The following MTCL2 variants were observed in gnomAD, a reference collection of about 807,000 sequenced individuals.
MTCL2 encodes the protein microtubule cross-linking factor 2.
At chr20:36,819,356 C>T in the MTCL2 span, among the ~76,000 whole-genome samples, 6 of 152,038 alleles carry the variant, frequency 3.9e-5, no homozygotes, top group Admixed American at 6.6e-5. Context: ...TTGCTCCATC[C>T]CCCACCTCTC....
At chr20:36,818,390 T>C in the MTCL2 span, among the ~76,000 whole-genome samples, 1 of 152,186 alleles carries the variant, frequency 6.6e-6, no homozygotes, top group Non-Finnish European at 1.5e-5. Context: ...CTGGCCAACA[T>C]AGCAAGACCC....
At chr20:36,862,562 G>T in the MTCL2 span, 1 of 1,227,904 alleles carries the variant, frequency 8.1e-7, no homozygotes, top group Non-Finnish European at 1.1e-6. Flanking sequence ...TCTCCGGATT[G>T]TTCAGTGGGA....
At chr20:36,819,642 G>A in the MTCL2 span, among the ~76,000 whole-genome samples, 2 of 151,886 alleles carry the variant, frequency 1.3e-5, no homozygotes, top group Non-Finnish European at 2.9e-5. Flanking sequence ...AAATACTGGT[G>A]GTCTGAGGTA....
the MTCL2 span, among the ~76,000 whole-genome samples, chr20:36,835,139 A>G: frequency 6.6e-6 from 1 of 152,218 alleles, no homozygotes; most frequent in South Asian, 2.1e-4. Flanking sequence ...ATTTTCCATG[A>G]GGAAACAAGC....
chr20:36,795,916 C>T, the MTCL2 span, among the ~76,000 whole-genome samples: 2 of 152,222 alleles, frequency 1.3e-5, no homozygotes, highest in Admixed American at 1.3e-4. Flanking sequence ...CCCCAGCCTC[C>T]TTGTGGTGGG....
the MTCL2 span, among the ~76,000 whole-genome samples, chr20:36,849,060 C>CTTGTTTTTTTTTTTTTT: frequency 1.6e-5 from 1 of 62,238 alleles, no homozygotes; most frequent in African/African-American, 6.7e-5. Context: ...AGTTGGTTTC[C>CTTGTTTTTTTTTTTTTT]TTTTTTTTTT....
At chr20:36,838,477 C>T in the MTCL2 span, among the ~76,000 whole-genome samples, 1 of 152,014 alleles carries the variant, frequency 6.6e-6, no homozygotes, top group Non-Finnish European at 1.5e-5. Flanking sequence ...TGCCTGTAGT[C>T]CCAGCTACTC....
At chr20:36,796,863 G>A in the MTCL2 span, 1 of 1,613,564 alleles carries the variant, frequency 6.2e-7, no homozygotes, top group Non-Finnish European at 8.5e-7. Flanking sequence ...GGCAGAGCAG[G>A]GGACCAGCAT....
At chr20:36,841,880 T>G in the MTCL2 span, among the ~76,000 whole-genome samples, 63 of 126,836 alleles carry the variant, frequency 5.0e-4, 1 homozygote, top group Admixed American at 6.9e-4. Context: ...GTGGGGTGTG[T>G]GTGTGTGTGT....
At chr20:36,831,160 G>A in the MTCL2 span, among the ~76,000 whole-genome samples, 1 of 152,232 alleles carries the variant, frequency 6.6e-6, no homozygotes, top group African/African-American at 2.4e-5. Flanking sequence ...TTCTGGGCTG[G>A]GAAATTGCAA....
the MTCL2 span, chr20:36,794,805 G>C: frequency 3.1e-6 from 2 of 639,040 alleles, no homozygotes; most frequent in East Asian, 5.6e-5. This position sits in a 1 kb window ranked among gnomAD's most constrained non-coding sequence, Gnocchi z 5.4. Context: ...GTCTTGATAT[G>C]TCACCCAGGC....
the MTCL2 span, chr20:36,784,740 C>T: frequency 1.4e-4 from 141 of 985,236 alleles, no homozygotes; most frequent in Non-Finnish European, 1.7e-4. Context: ...TGAGGAAGGG[C>T]GGGCAGCAGA....
chr20:36,849,060 C>CTTTTGTTTTTTTTTTTTTTTTTT, the MTCL2 span, among the ~76,000 whole-genome samples: 1 of 62,238 alleles, frequency 1.6e-5, no homozygotes, highest in African/African-American at 6.7e-5. Flanking sequence ...AGTTGGTTTC[C>CTTTTGTTTTTTTTTTTTTTTTTT]TTTTTTTTTT....
At chr20:36,811,165 T>C in the MTCL2 span, among the ~76,000 whole-genome samples, 89 of 152,322 alleles carry the variant, frequency 5.8e-4, no homozygotes, top group Non-Finnish European at 1.1e-3. Flanking sequence ...CTGTTTTGCA[T>C]TAAAAATTTT....
the MTCL2 span, among the ~76,000 whole-genome samples, chr20:36,844,677 A>G: frequency 3.3e-5 from 5 of 151,816 alleles, no homozygotes; most frequent in East Asian, 3.9e-4. Flanking sequence ...GTAACAGAGC[A>G]AGAACCTGTC....
At chr20:36,828,993 G>T in the MTCL2 span, 1,024 of 1,460,888 alleles carry the variant, frequency 7.0e-4, 4 homozygotes, top group African/African-American at 0.013. Context: ...CACTGGCTTG[G>T]GGGGGCTTGC....
At chr20:36,838,048 CTT>C in the MTCL2 span, among the ~76,000 whole-genome samples, 14 of 150,946 alleles carry the variant, frequency 9.3e-5, no homozygotes, top group East Asian at 5.9e-4. Flanking sequence ...CACTACTTCT[CTT>C]TGTTTTTTTT....
chr20:36,786,488 C>G, the MTCL2 span: 2 of 1,537,936 alleles, frequency 1.3e-6, no homozygotes, highest in Non-Finnish European at 1.8e-6. Flanking sequence ...TGCTCTGTCA[C>G]TCGCTGGGGG....
chr20:36,794,125 G>A, the MTCL2 span: 1 of 1,551,462 alleles, frequency 6.4e-7, no homozygotes, highest in South Asian at 1.2e-5. The surrounding 1 kb of genome is among the most constrained non-coding windows in gnomAD (Gnocchi z 5.4). Flanking sequence ...CCGAGGGGCT[G>A]CCCGCTGAGC....
Sources: allele counts gnomAD v4.1 joint callset (sites outside exome capture counted in the v4.1 genomes callset), GRCh38; gene constraint gnomAD v4.1.1; non-coding constraint Gnocchi (gnomAD v3.1); transcripts MANE v1.5; gene names NCBI Gene and HGNC (gene_info 2026-07-23, HGNC 2026-07-21).